The following GRM7 variants were observed in gnomAD, a reference collection of about 807,000 sequenced individuals.
GRM7 encodes the protein glutamate metabotropic receptor 7, also known as metabotropic glutamate receptor 7.
In GRM7, 35 loss-of-function variants were observed where a neutral mutation model predicts 84.5. The observed-to-expected ratio is 0.41, with a 90% confidence interval of 0.32 to 0.55. The LOEUF (loss-of-function observed/expected upper bound fraction) is 0.55, where lower values mean the gene tolerates loss of function less well. Ranked by LOEUF, GRM7 falls within the 20% of genes least tolerant of loss-of-function variation. The pLI is 0.19. For synonymous variants in GRM7, 487 were observed against 455.1 expected (o/e 1.07, Z -0.89); for missense variants, 1,003 against 1,194.6 (o/e 0.84, Z 2.36).
At position 7,027,768 on chromosome 3, in the gene GRM7, C is replaced by T. The variant is rs79818993; in HGVS notation, c.520-118684C>T. ...ACCTGAGACTTCCCTCCCTGTTATG[C>T]GTTGTGTTTCAACCATCGTTCTTTT... On this transcript the variant is annotated intron_variant, in intron 1 of 9. Coordinates refer to ENST00000357716, the MANE Select transcript of GRM7 (RefSeq NM_000844.4). Among the ~76,000 whole-genome samples the T allele has an allele frequency of 3.9e-3, 595 of 152,214 alleles. 8 individuals are homozygous for T. The highest frequency in any genetic ancestry group is 0.017 in the Middle Eastern group (5 of 294).
intron 2 of GRM7, among the ~76,000 whole-genome samples, chr3:7,226,279 C>T (rs1041568948): frequency 6.6e-6 from 1 of 152,132 alleles, no homozygotes; most frequent in African/African-American, 2.4e-5. Flanking sequence ...GTCAGCCTGG[C>T]TGGGATCTCA....
At chr3:7,002,873 G>A (rs1695063772) in intron 1 of GRM7, among the ~76,000 whole-genome samples, 2 of 152,092 alleles carry the variant, frequency 1.3e-5, no homozygotes, top group Admixed American at 6.6e-5. Context: ...TAAAGAAAAT[G>A]TGGTATATTA....
At chr3:7,089,333 T>C (rs982613069) in intron 1 of GRM7, among the ~76,000 whole-genome samples, 1 of 152,210 alleles carries the variant, frequency 6.6e-6, no homozygotes, top group African/African-American at 2.4e-5. Context: ...TTGCATCAGC[T>C]ATAGTTCCAT....
intron 8 of GRM7, among the ~76,000 whole-genome samples, chr3:7,637,926 C>A (rs1225005256): frequency 2.0e-5 from 3 of 152,218 alleles, no homozygotes; most frequent in African/African-American, 4.8e-5. Context: ...TCGATCTCAG[C>A]AGACTCAGTA....
chr3:7,698,716 T>A (rs2125156609), intron 9 of GRM7, among the ~76,000 whole-genome samples: 1 of 152,294 alleles, frequency 6.6e-6, no homozygotes, highest in Non-Finnish European at 1.5e-5. Context: ...CATCTTTGAC[T>A]TCCACCCCAA....
chr3:7,105,553 C>G (rs1377678014), intron 1 of GRM7, among the ~76,000 whole-genome samples: 1 of 151,916 alleles, frequency 6.6e-6, no homozygotes, highest in Non-Finnish European at 1.5e-5. Context: ...ACTCTTAAAT[C>G]TTTCTAAGAC....
chr3:7,165,750 C>G (rs1694779596), intron 2 of GRM7, among the ~76,000 whole-genome samples: 1 of 152,154 alleles, frequency 6.6e-6, no homozygotes, highest in Non-Finnish European at 1.5e-5. Flanking sequence ...CCATATATTG[C>G]TGTTGCACTT....
chr3:7,707,806 C>A (rs1003356064), intron 9 of GRM7, among the ~76,000 whole-genome samples: 13 of 152,168 alleles, frequency 8.5e-5, no homozygotes, highest in African/African-American at 3.1e-4. Context: ...CAAGCCAGAA[C>A]CATTGCACAT....
At chr3:7,296,173 C>G (rs1181390038) in intron 2 of GRM7, among the ~76,000 whole-genome samples, 1 of 151,812 alleles carries the variant, frequency 6.6e-6, no homozygotes, top group African/African-American at 2.4e-5. Flanking sequence ...TTTAGTCTGA[C>G]AATATGTAAA....
At chr3:7,535,648 C>T (rs1259751682) in intron 7 of GRM7, among the ~76,000 whole-genome samples, 1 of 152,232 alleles carries the variant, frequency 6.6e-6, no homozygotes, top group Admixed American at 6.5e-5. Context: ...GAGTCTCTGT[C>T]AGGCATTGAA....
chr3:7,315,395 C>T (rs1700546764), intron 4 of GRM7, among the ~76,000 whole-genome samples: 1 of 152,208 alleles, frequency 6.6e-6, no homozygotes. Context: ...GCTTTTTCTC[C>T]TAGGCTTAAT....
chr3:7,102,448 A>G (rs1230846774), intron 1 of GRM7, among the ~76,000 whole-genome samples: 1 of 151,638 alleles, frequency 6.6e-6, no homozygotes, highest in Admixed American at 6.6e-5. Flanking sequence ...GGCTGCTTCC[A>G]AGGTTTTCTC....
Position 7,741,258 on chromosome 3 carries a change from A to G in GRM7, c.*852A>G, listed in dbSNP as rs192138213. 7.2e-4 allele frequency: 110 copies of G among 152,724 alleles called. No homozygotes were observed. Among genetic ancestry groups the G allele is most frequent in the African/African-American group, 2.5e-3 (103 of 41,568 alleles). The allele number at this position is 152,724 out of a possible 1,614,324, so 9.5% of individuals were successfully genotyped here. ...ATGAATATTTTGCAATAATTTTAAT[A>G]ATTATTAAGCTGTTTGAAGGAAAGA... On this transcript the variant is annotated 3_prime_UTR_variant, in exon 10 of 10. Transcript: ENST00000357716.
intron 1 of GRM7, among the ~76,000 whole-genome samples, chr3:6,991,939 C>T (rs532903442): frequency 2.0e-5 from 3 of 151,916 alleles, no homozygotes; most frequent in South Asian, 2.1e-4. Flanking sequence ...TTCCCTACCT[C>T]GCAGCTCCTT....
chr3:7,288,654 T>C (rs1196970374), intron 2 of GRM7, among the ~76,000 whole-genome samples: 1 of 152,106 alleles, frequency 6.6e-6, no homozygotes, highest in African/African-American at 2.4e-5. Context: ...AAAGCAGTTA[T>C]TATTGGGGAG....
intron 2 of GRM7, among the ~76,000 whole-genome samples, chr3:7,297,407 G>T (rs1008207935): frequency 1.3e-5 from 2 of 152,066 alleles, no homozygotes; most frequent in African/African-American, 4.8e-5. Flanking sequence ...TCAAAATATG[G>T]TCTATCTTAA....
intron 1 of GRM7, among the ~76,000 whole-genome samples, chr3:6,959,211 A>T (rs1305002097): frequency 6.6e-6 from 1 of 152,196 alleles, no homozygotes; most frequent in East Asian, 1.9e-4. Flanking sequence ...AAGAAAGGAA[A>T]GCTTAGAGAA....
chr3:7,390,850 G>A (rs1278991829), intron 4 of GRM7, among the ~76,000 whole-genome samples: 1 of 151,940 alleles, frequency 6.6e-6, no homozygotes, highest in Non-Finnish European at 1.5e-5. Flanking sequence ...TGTCATTCCA[G>A]ACATTTTATT....
chr3:7,473,489 GGAGAGAGAGAGAGA>G lies in GRM7; in HGVS notation c.1515+11796_1515+11809del, dbSNP rs372898836. On this transcript the variant is annotated intron_variant, in intron 7 of 9. Transcript: ENST00000357716. ...AGACTCTGTCTCTTAAAAACGAGAG[GGAGAGAGAGAGAGA>G]GAGAGAGAGAGAGAGAGAGAGAGAG... Among the ~76,000 whole-genome samples, 200 of 126,502 alleles carry G rather than the reference GGAGAGAGAGAGAGA, an allele frequency of 1.6e-3. 1 individual carries two copies. Among genetic ancestry groups the G allele is most frequent in the African/African-American group, 2.8e-3 (96 of 33,778 alleles). 83.0% of individuals were successfully genotyped at this position (126,502 alleles called of 152,430 possible). A position where few individuals can be genotyped will look rare whatever the true frequency, so the allele number is the denominator to read the frequency against.
Sources: gnomAD v4.1 joint callset for allele counts (sites outside exome capture counted in the v4.1 genomes callset) on GRCh38, gnomAD v4.1.1 for gene constraint, MANE v1.5 for transcripts, NCBI Gene and HGNC (gene_info 2026-07-23, HGNC 2026-07-21) for gene names.